Variants in GLB1L observed in about 807,000 individuals in gnomAD.
GLB1L encodes the protein beta-galactosidase-1-like protein.
A neutral mutation model predicts 75.7 loss-of-function variants in GLB1L; 58 were observed. The observed-to-expected ratio is 0.77, with a 90% CI of 0.62 to 0.95. The LOEUF is 0.95. Ranked by LOEUF, GLB1L falls within the 40% of genes least tolerant of loss-of-function variation. The pLI, the probability that GLB1L is intolerant of heterozygous loss-of-function variation, is 0.00. For missense variants in GLB1L, 797 were observed against 805.5 expected (o/e 0.99, Z 0.13); for synonymous variants, 296 against 303.0 (o/e 0.98, Z 0.24).
rs1225441524 is a variant in GLB1L, at chr2:219,239,639, T to C, written c.824A>G (p.Gln275Arg). 45 of 1,614,112 alleles carry C rather than the reference T, an allele frequency of 2.8e-5. No individual in the cohort carries two copies. The highest frequency in any genetic ancestry group is 3.7e-5 in the Non-Finnish European group (44 of 1,180,036). Residue 275 changes from glutamine to arginine, a missense_variant, in exon 9 of 17, where the codon CAG (glutamine) becomes CGG (arginine). Gln to Arg is a conservative substitution (Grantham distance 43, BLOSUM62 1). Coordinates refer to ENST00000295759, the MANE Select transcript of GLB1L (RefSeq NM_001286423.2). The part of the protein sequence containing the change: ...YYTGWLDYWG[Q>R]NHSTRSVSAV... The stretch of plus-strand genomic sequence containing the variant: ...TGACACAGACCGTGTGGAGTGATTC[T>C]GGCCCCAGTAATCCAGCCAGCCTGT...
rs1186666423 is a variant in GLB1L at position 219,242,303 on chromosome 2, T to A, written c.451+211A>T. On this transcript the variant is annotated intron_variant, in intron 5 of 16. Transcript: ENST00000295759. ...CGCGCCCAGCTGTTTTTTTTTTTTTTAATCAGTTTCTTCCACTATATTATA... is the reference window on the plus strand; with the variant it reads ...CGCGCCCAGCTGTTTTTTTTTTTTTAAATCAGTTTCTTCCACTATATTATA... Among the ~76,000 whole-genome samples, 8 of 141,010 alleles carry A rather than the reference T, an allele frequency of 5.7e-5. No individual in the cohort carries two copies. The South Asian group carries it at 6.9e-4, about 12-fold the overall frequency. 92.5% of individuals were successfully genotyped at this position (141,010 alleles called of 152,430 possible). A position where few individuals can be genotyped will look rare whatever the true frequency, so the allele number is the denominator to read the frequency against.
chr2:219,237,476 C>T, intron 16 of GLB1L, 36 bp downstream of exon 16: 4 of 1,608,366 alleles, frequency 2.5e-6, no homozygotes, highest in East Asian at 2.2e-5. Context: ...TTCTCTTTTA[C>T]CTCCCCGCTA....
Position 219,236,731 on chromosome 2 carries a change from C to A in GLB1L, c.*341G>T. The A allele has an allele frequency of 2.3e-6, 1 of 440,250 alleles. No individual in the cohort carries two copies. Among genetic ancestry groups the A allele is most frequent in the Non-Finnish European group, 4.0e-6 (1 of 249,968 alleles). 27.3% of individuals were successfully genotyped at this position (440,250 alleles called of 1,614,324 possible). A position where few individuals can be genotyped will look rare whatever the true frequency, so the allele number is the denominator to read the frequency against. ...CCGTGGCCAGCACCAAGGGATCCTG[C>A]CCACTCCATGTCCCAGGTCCAAGGG... On this transcript the variant is annotated 3_prime_UTR_variant, in exon 17 of 17. Coordinates refer to ENST00000295759, the MANE Select transcript of GLB1L (RefSeq NM_001286423.2).
Position 219,237,570 on chromosome 2 carries a change from GT to G in GLB1L, c.1630del (p.Thr544HisfsTer5), listed in dbSNP as rs773144807. 6.2e-7 allele frequency: 1 copy of G among 1,614,188 alleles called. No individual in the cohort carries two copies. The highest frequency in any genetic ancestry group is 8.5e-7 in the Non-Finnish European group (1 of 1,180,034). Reference protein sequence around the residue: ...APSGPTFYSKTFPILGSVGDT... With the variant: ...APSGPTFYSKXFPILGSVGDT... ...CCCAACTGAGCCTAAAATTGGAAAT[GT>G]TTTGGAGTAGAATGTGGGGCCAGAA... On this transcript the variant is annotated frameshift_variant, in exon 16 of 17. Transcript: ENST00000295759. LOFTEE classifies it high-confidence loss of function.
chr2:219,243,616 G>C lies in GLB1L; in HGVS notation c.-43C>G. The C allele has an allele frequency of 4.4e-6, 7 of 1,593,896 alleles. No individual in the cohort carries two copies. The highest frequency in any genetic ancestry group is 1.1e-5 in the South Asian group (1 of 90,534). ...TCTAGTCTGAGACGGCGGACAGACC[G>C]TCACGTGTCGGATTCCTGGGAGGGA... On this transcript the variant is annotated 5_prime_UTR_variant, in exon 2 of 17. Transcript: ENST00000295759.
rs756297788 is a variant in GLB1L, at chr2:219,237,163, T to C, written c.1874A>G (p.Asn625Ser). ...QVQFLDKPIL[N>S]STSTLHRTHI... ...TGTCCTGTGCAAAGTACTAGTGCTA[T>C]TGAGGATAGGCTTATCCAAAAATTG... is the stretch of plus-strand genomic sequence containing the variant. The change falls in exon 17 of 17, where the codon AAT (asparagine) becomes AGT (serine). Residue 625 changes from asparagine (N) to serine (S), a missense_variant. Transcript: ENST00000295759. The C allele has an allele frequency of 5.6e-6, 9 of 1,614,022 alleles. No homozygotes were observed. The highest frequency in any genetic ancestry group is 4.0e-5 in the African/African-American group (3 of 74,930).
Position 219,242,800 on chromosome 2 carries a change from G to A in GLB1L, c.358C>T (p.Pro120Ser), listed in dbSNP as rs1423266431. Residue 120 changes from proline to serine, a missense_variant, in exon 4 of 17, where the codon CCA becomes TCA. Pro to Ser is a moderately conservative substitution (Grantham distance 74). Transcript: ENST00000295759. ...CACTCTGCACAGATGTAAGGTCCTG[G>A]TCTCAGTATGACCAACAGGTTCGCT... is the stretch of plus-strand genomic sequence containing the variant. ...ALANLLVILR[P>S]GPYICAEWEM... is the part of the protein sequence containing the mutation. 6.2e-7 allele frequency: 1 copy of A among 1,614,198 alleles called. No homozygotes were observed. Among genetic ancestry groups the A allele is most frequent in the South Asian group, 1.1e-5 (1 of 91,084 alleles).
Position 219,238,930 on chromosome 2 carries a change from A to G in GLB1L, c.1063-151T>C, listed in dbSNP as rs550287163. ...ATTTTGCACACCTGTGTGTCTTCACACATAGTCCCATTTGGTTGAATGGGA... is the reference window on the plus strand; with the variant it reads ...ATTTTGCACACCTGTGTGTCTTCACGCATAGTCCCATTTGGTTGAATGGGA... On this transcript the variant is annotated intron_variant, in intron 11 of 16. Transcript: ENST00000295759. 8.2e-5 allele frequency: 70 copies of G among 857,780 alleles called. No individual in the cohort carries two copies. In the African/African-American group the frequency reaches 8.8e-4, roughly 11 times the overall value. The allele number at this position is 857,780 out of a possible 1,614,324, so 53.1% of individuals were successfully genotyped here.
In GLB1L at chr2:219,237,731, T is replaced by C. The variant is rs1189226232; in HGVS notation, c.1474-4A>G. ...GAATTGGTGGCTTCAACAGGCCCTA[T>C]AGGGAAGGAAAATGAAAAGTCATCA... On this transcript the variant is annotated splice_region_variant and splice_polypyrimidine_tract_variant and intron_variant, in intron 15 of 16. Transcript: ENST00000295759. The C allele has an allele frequency of 3.7e-6, 6 of 1,613,598 alleles. No homozygotes were observed. The highest frequency in any genetic ancestry group is 5.1e-6 in the Non-Finnish European group (6 of 1,179,640).
chr2:219,240,120 C>A, intron 6 of GLB1L, 26 bp from the exon 7 acceptor site: 1 of 1,614,112 alleles, frequency 6.2e-7, no homozygotes, highest in Non-Finnish European at 8.5e-7. Context: ...GAAAGTGGAA[C>A]CCAGCTATGG....
Position 219,245,238 on chromosome 2 carries a change from T to TG in GLB1L, c.-81dup, listed in dbSNP as rs916310746. 3.3e-5 allele frequency: 5 copies of TG among 152,312 alleles called. No homozygotes were observed. Among genetic ancestry groups the TG allele is most frequent in the Non-Finnish European group, 7.3e-5 (5 of 68,100 alleles). The allele number at this position is 152,312 out of a possible 1,614,324, so 9.4% of individuals were successfully genotyped here. Reference sequence around the variant, plus strand: ...GTATGAAGCCTCCTACCTCCAACATTGGGAGATGGAGGTCCTGGGGGCCTC... The same window carrying TG: ...GTATGAAGCCTCCTACCTCCAACATTGGGGAGATGGAGGTCCTGGGGGCCTC... On this transcript the variant is annotated 5_prime_UTR_variant, in exon 1 of 17. Transcript: ENST00000295759.
At chr2:219,238,913 C>T (rs1485375849) in intron 11 of GLB1L, 134 bp from the exon 12 acceptor site, 1 of 871,818 alleles carries the variant, frequency 1.1e-6, no homozygotes, top group Admixed American at 2.5e-5. Flanking sequence ...TAATTTTGCA[C>T]ACCTGTGTGT....
Position 219,237,860 on chromosome 2 carries a change from C to T in GLB1L, c.1439G>A (p.Arg480Lys), listed in dbSNP as rs1404946195. ...ACTGCTGTTAGACCCAAAGCTGAGC[C>T]TCCCCATGTTCTCCACCAAGATATC... Reference protein sequence around the residue: ...KLDILVENMGRLSFGSNSSDF... With the variant: ...KLDILVENMGKLSFGSNSSDF... The change falls in exon 15 of 17, where the codon AGG (arginine) becomes AAG (lysine). Residue 480 changes from arginine (R) to lysine (K), a missense_variant. Coordinates refer to ENST00000295759, the MANE Select transcript of GLB1L (RefSeq NM_001286423.2). 11 of 1,614,174 alleles carry T rather than the reference C, an allele frequency of 6.8e-6. No homozygotes were observed. The highest frequency in any genetic ancestry group is 1.7e-5 in the Admixed American group (1 of 60,022).
At position 219,242,802 on chromosome 2, in the gene GLB1L, C is replaced by T; in HGVS notation, c.356G>A (p.Arg119Lys). ...CTCTGCACAGATGTAAGGTCCTGGT[C>T]TCAGTATGACCAACAGGTTCGCTAG... ...AALANLLVILRPGPYICAEWE... is the reference protein window; with the variant it reads ...AALANLLVILKPGPYICAEWE... Residue 119 changes from arginine (R) to lysine (K), a missense_variant, in exon 4 of 17, where the codon AGA (arginine) becomes AAA (lysine). Coordinates refer to ENST00000295759, the MANE Select transcript of GLB1L (RefSeq NM_001286423.2). 6.2e-7 allele frequency: 1 copy of T among 1,614,180 alleles called. No individual in the cohort carries two copies. The highest frequency in any genetic ancestry group is 8.5e-7 in the Non-Finnish European group (1 of 1,180,032).
At chr2:219,240,340 A>G in intron 5 of GLB1L, 55 bp from the exon 6 acceptor site, 3 of 1,347,928 alleles carry the variant, frequency 2.2e-6, no homozygotes, top group African/African-American at 1.4e-5. Flanking sequence ...CTTGCTCACC[A>G]CTAAATATGG....
chr2:219,242,763 C>T lies in GLB1L; in HGVS notation c.390+5G>A, dbSNP rs1313792407. 1 of 1,614,142 alleles carries T rather than the reference C, an allele frequency of 6.2e-7. No individual in the cohort carries two copies. Among genetic ancestry groups the T allele is most frequent in the Non-Finnish European group, 8.5e-7 (1 of 1,179,988 alleles). ...CTGGTTCTATCCCTTCTCCAGCTAA[C>T]TCACCATCTCCCACTCTGCACAGAT... On this transcript the variant is annotated splice_donor_5th_base_variant and intron_variant, in intron 4 of 16. Coordinates refer to ENST00000295759, the MANE Select transcript of GLB1L (RefSeq NM_001286423.2).
rs1227770866 is a variant in GLB1L, at chr2:219,243,624, T to A, written c.-51A>T. ...GAGACGGCGGACAGACCGTCACGTG[T>A]CGGATTCCTGGGAGGGAACCTCAGC... is the stretch of plus-strand genomic sequence containing the variant. On this transcript the variant is annotated 5_prime_UTR_variant, in exon 2 of 17. Coordinates refer to ENST00000295759, the MANE Select transcript of GLB1L (RefSeq NM_001286423.2). 1.3e-6 allele frequency: 2 copies of A among 1,588,140 alleles called. No individual in the cohort carries two copies. Among genetic ancestry groups the A allele is most frequent in the Admixed American group, 3.3e-5 (2 of 59,926 alleles).
rs778346420 is a variant in GLB1L at position 219,243,196 on chromosome 2, G to C, written c.191C>G (p.Ala64Gly). The change falls in exon 3 of 17, where the codon GCC becomes GGC. Residue 64 changes from alanine to glycine, a missense_variant. Ala to Gly is a moderately conservative substitution (Grantham distance 60, BLOSUM62 0). Coordinates refer to ENST00000295759, the MANE Select transcript of GLB1L (RefSeq NM_001286423.2). ...HYFRVPRVLW[A>G]DRLLKMRWSG... ...CCATCGCATCTTCAAAAGCCGGTCGGCCCAAAGCACCCGCGGTACCCGAAA... is the reference window on the plus strand; with the variant it reads ...CCATCGCATCTTCAAAAGCCGGTCGCCCCAAAGCACCCGCGGTACCCGAAA... The C allele has an allele frequency of 1.2e-6, 2 of 1,613,856 alleles. No homozygotes were observed. Among genetic ancestry groups the C allele is most frequent in the Non-Finnish European group, 8.5e-7 (1 of 1,179,924 alleles).
In GLB1L at chr2:219,238,309, T is replaced by C. The variant is rs539260241; in HGVS notation, c.1282A>G (p.Thr428Ala). The stretch of plus-strand genomic sequence containing the variant: ...CCATTATTTGGCACCCAGAATGGTG[T>C]TGGCTCAAAAATGGTATGGGTCATA... ...TYMTHTIFEP[T>A]PFWVPNNGVH... The change falls in exon 14 of 17, where the codon ACA becomes GCA. Residue 428 changes from threonine (T) to alanine (A), a missense_variant. Thr to Ala is a moderately conservative substitution (Grantham distance 58, BLOSUM62 0). Coordinates refer to ENST00000295759, the MANE Select transcript of GLB1L (RefSeq NM_001286423.2). The C allele has an allele frequency of 6.7e-5, 108 of 1,613,048 alleles. 1 individual carries two copies. The South Asian group carries it at 8.9e-4, about 13-fold the overall frequency.
Sources: allele counts gnomAD v4.1 joint callset (sites outside exome capture counted in the v4.1 genomes callset), GRCh38; gene constraint gnomAD v4.1.1; transcripts MANE v1.5; gene names NCBI Gene and HGNC (gene_info 2026-07-23, HGNC 2026-07-21).